The following PPP4R1 variants were observed in gnomAD, a reference collection of about 807,000 sequenced individuals.
PPP4R1 encodes serine/threonine-protein phosphatase 4 regulatory subunit 1.
Under a neutral mutation model 111.2 loss-of-function variants are expected in PPP4R1, and 42 were observed. The ratio of observed to expected loss-of-function variants is 0.38; its 90% CI spans 0.29 to 0.49. PPP4R1 has a LOEUF of 0.49. Ranked by LOEUF, PPP4R1 falls within the 20% of genes least tolerant of loss-of-function variation. The pLI is 0.97. For synonymous variants in PPP4R1, 409 were observed against 405.5 expected (o/e 1.01, Z -0.10); for missense variants, 1,012 against 1,161.6 (o/e 0.87, Z 1.87).
At position 9,598,421 on chromosome 18, in the gene PPP4R1, C is replaced by T. The variant is rs555073973; in HGVS notation, c.53-3268G>A. On this transcript the variant is annotated intron_variant, in intron 2 of 19. Transcript: ENST00000400556. Reference sequence around the variant, plus strand: ...CTAGTGATAAAAACTTTCAGGCAGCCGGAGAAAAACTCATGTTACATAGAG... The same window carrying T: ...CTAGTGATAAAAACTTTCAGGCAGCTGGAGAAAAACTCATGTTACATAGAG... 2.0e-4 allele frequency among the ~76,000 whole-genome samples: 30 copies of T among 152,004 alleles called. 1 individual carries two copies. The highest frequency in any genetic ancestry group is 1.4e-3 in the Admixed American group (22 of 15,238).
chr18:9,591,949 C>T (rs1397188233), intron 4 of PPP4R1, among the ~76,000 whole-genome samples: 1 of 152,012 alleles, frequency 6.6e-6, no homozygotes, highest in Non-Finnish European at 1.5e-5. Context: ...TGCCTGTAAT[C>T]CCAGTTATTC....
chr18:9,615,976 A>C (rs971911521), upstream of PPP4R1, among the ~76,000 whole-genome samples: 4 of 152,354 alleles, frequency 2.6e-5, no homozygotes, highest in African/African-American at 4.8e-5. Flanking sequence ...AGGAGTAATA[A>C]AAATCAGAAT....
chr18:9,599,674 C>T (rs2067348218), intron 2 of PPP4R1: 1 of 152,196 alleles, frequency 6.6e-6, no homozygotes, highest in African/African-American at 2.4e-5. Flanking sequence ...CACTCAGCCA[C>T]TCTCATCTGG....
chr18:9,584,414 G>T, intron 8 of PPP4R1, 101 bp downstream of exon 8: 1 of 983,356 alleles, frequency 1.0e-6, no homozygotes, highest in Non-Finnish European at 1.4e-6. Context: ...TATATTCATG[G>T]AATTGTGTTA....
chr18:9,556,998 G>C (rs1285258557), intron 15 of PPP4R1: 1 of 363,944 alleles, frequency 2.7e-6, no homozygotes, highest in African/African-American at 2.1e-5. Context: ...TTTTGAAAAA[G>C]AAAAAGATAC....
At chr18:9,566,448 G>C (rs1273186829) in intron 11 of PPP4R1, among the ~76,000 whole-genome samples, 1 of 151,568 alleles carries the variant, frequency 6.6e-6, no homozygotes, top group Non-Finnish European at 1.5e-5. Flanking sequence ...TGAAGAGTGC[G>C]AGACCAGCCT....
Position 9,557,424 on chromosome 18 carries a change from C to T in PPP4R1, c.2029-42G>A, listed in dbSNP as rs764681320. The stretch of plus-strand genomic sequence containing the variant: ...ACATTAGTAAGCTAACCACAAAGTA[C>T]GCAGTACTTTAACCATTAGGCAATA... On this transcript the variant is annotated intron_variant, in intron 14 of 19. Transcript: ENST00000400556. The T allele has an allele frequency of 1.8e-5, 27 of 1,524,594 alleles. No individual in the cohort carries two copies. In the Admixed American group the frequency reaches 1.8e-4, roughly 10 times the overall value. 94.4% of individuals were successfully genotyped at this position (1,524,594 alleles called of 1,614,324 possible). A position where few individuals can be genotyped will look rare whatever the true frequency, so the allele number is the denominator to read the frequency against.
At chr18:9,557,780 T>C (rs1451853580) in intron 14 of PPP4R1, among the ~76,000 whole-genome samples, 13 of 149,952 alleles carry the variant, frequency 8.7e-5, no homozygotes, top group Admixed American at 8.6e-4. Context: ...CACATGGCTT[T>C]GTTATTACTC....
chr18:9,602,545 C>CAAA (rs772730508), intron 2 of PPP4R1, among the ~76,000 whole-genome samples: 19 of 99,190 alleles, frequency 1.9e-4, no homozygotes, highest in African/African-American at 5.8e-4. Flanking sequence ...GACTCTGTCT[C>CAAA]AAAAAAAAAA....
intron 15 of PPP4R1, 57 bp downstream of exon 15, chr18:9,557,164 G>A: frequency 6.8e-7 from 1 of 1,463,560 alleles, no homozygotes; most frequent in Non-Finnish European, 9.2e-7. Flanking sequence ...AGAAGATAAA[G>A]ATTTAGATTA....
At chr18:9,593,423 G>A (rs2145248610) in intron 4 of PPP4R1, among the ~76,000 whole-genome samples, 1 of 150,042 alleles carries the variant, frequency 6.7e-6, no homozygotes, top group East Asian at 1.9e-4. Flanking sequence ...GCTTTCTATA[G>A]TTGCCTAAAA....
chr18:9,553,570 T>C (rs1443321431), intron 15 of PPP4R1, 148 bp from the exon 16 acceptor site: 1 of 601,734 alleles, frequency 1.7e-6, no homozygotes. Context: ...TAAAATTTGG[T>C]ATTAAGTTTA....
At chr18:9,549,518 GAC>G (rs1044445075) in intron 18 of PPP4R1, among the ~76,000 whole-genome samples, 180 bp from the exon 19 acceptor site, 3 of 152,328 alleles carry the variant, frequency 2.0e-5, no homozygotes, top group East Asian at 1.9e-4. Flanking sequence ...CACACGGACA[GAC>G]ACAGTTTTTA....
intron 2 of PPP4R1, among the ~76,000 whole-genome samples, chr18:9,611,034 G>C (rs954781927): frequency 2.0e-5 from 3 of 152,044 alleles, no homozygotes; most frequent in Non-Finnish European, 4.4e-5. Flanking sequence ...CGAAAGACCT[G>C]AGACTCTTAG....
chr18:9,548,851 G>A (rs986310785), intron 19 of PPP4R1, among the ~76,000 whole-genome samples: 2 of 152,268 alleles, frequency 1.3e-5, no homozygotes, highest in African/African-American at 2.4e-5. Flanking sequence ...CCGGAAGGCA[G>A]AGGTTACAGT....
In PPP4R1 at chr18:9,550,192, A is replaced by G. The variant is rs774601005; in HGVS notation, c.2413-6T>C. On this transcript the variant is annotated splice_region_variant and splice_polypyrimidine_tract_variant and intron_variant, in intron 17 of 19. Transcript: ENST00000400556. ...TTCTTCACCATCTCGCTGACCTGGG[A>G]GGGTGAGCATGGAGAAATGAGGAAC... 3.1e-6 allele frequency: 5 copies of G among 1,614,184 alleles called. No homozygotes were observed. The highest frequency in any genetic ancestry group is 4.2e-6 in the Non-Finnish European group (5 of 1,180,036).
At chr18:9,614,994 GC>G (rs2067669002), upstream of PPP4R1, 1 of 152,200 alleles carries the variant, frequency 6.6e-6, no homozygotes, top group Non-Finnish European at 1.5e-5. The surrounding 1 kb of genome is among the most constrained non-coding windows in gnomAD (Gnocchi z 4.1). Flanking sequence ...CGCAGCCAGC[GC>G]CCCATCCCCA....
In PPP4R1 at chr18:9,591,166, G is replaced by A. The variant is rs909620840; in HGVS notation, c.296-2313C>T. ...AGTTCAAGACCAGCCTGGCCAACAC[G>A]GAGAAATCCCATCTCTACTAAAAAT... On this transcript the variant is annotated intron_variant, in intron 4 of 19. Transcript: ENST00000400556. Among the ~76,000 whole-genome samples, 5 of 151,838 alleles carry A rather than the reference G, an allele frequency of 3.3e-5. No homozygotes were observed. In the East Asian group the frequency reaches 5.8e-4, roughly 18 times the overall value.
intron 9 of PPP4R1, among the ~76,000 whole-genome samples, chr18:9,580,583 C>T (rs772771916): frequency 6.6e-6 from 1 of 152,132 alleles, no homozygotes; most frequent in African/African-American, 2.4e-5. Context: ...ATCTCCTGAC[C>T]TCGTGATCCA....
Sources: gnomAD v4.1 joint callset for allele counts (sites outside exome capture counted in the v4.1 genomes callset) on GRCh38, gnomAD v4.1.1 for gene constraint, Gnocchi (gnomAD v3.1) non-coding constraint, MANE v1.5 for transcripts, NCBI Gene and HGNC (gene_info 2026-07-23, HGNC 2026-07-21) for gene names.